Variants in CTNNA3 observed in about 807,000 individuals in gnomAD.
CTNNA3 encodes catenin alpha-3.
In CTNNA3, 76 loss-of-function variants were observed where a neutral mutation model predicts 95.7. That is an observed-to-expected ratio of 0.79 (90% confidence interval 0.66 to 0.96). CTNNA3 has a LOEUF of 0.96. Ranked by LOEUF, CTNNA3 falls within the 40% of genes least tolerant of loss-of-function variation. CTNNA3 has a pLI of 0.00. For synonymous variants in CTNNA3, 431 were observed against 374.4 expected, an observed-to-expected ratio of 1.15 and a Z score of -1.74; for missense variants, 1,191 against 1,089.8, an observed-to-expected ratio of 1.09 and a Z score of -1.31.
intron 11 of CTNNA3, among the ~76,000 whole-genome samples, chr10:66,516,236 TATG>T (rs1291002547): frequency 6.6e-6 from 1 of 151,980 alleles, no homozygotes; most frequent in Non-Finnish European, 1.5e-5. Context: ...GTTGAAAAAT[TATG>T]ATGTTACAAA....
intron 3 of CTNNA3, among the ~76,000 whole-genome samples, chr10:67,572,312 T>A (rs1842004920): frequency 6.6e-6 from 1 of 152,148 alleles, no homozygotes; most frequent in Non-Finnish European, 1.5e-5. Flanking sequence ...TGAGCTAAAG[T>A]ATAGCTCTAA....
intron 13 of CTNNA3, among the ~76,000 whole-genome samples, chr10:66,241,153 G>C (rs2090087093): frequency 1.6e-5 from 1 of 63,196 alleles, no homozygotes; most frequent in African/African-American, 5.0e-5. Context: ...TTCTTAAAAG[G>C]GTTAAAAAAA....
intron 10 of CTNNA3, among the ~76,000 whole-genome samples, chr10:66,539,381 G>A (rs1841769439): frequency 6.6e-6 from 1 of 152,058 alleles, no homozygotes; most frequent in Non-Finnish European, 1.5e-5. Flanking sequence ...GAGAGTAAAG[G>A]AAGAAGAAAT....
chr10:66,910,425 TCACTTCTGCTGGAA>T (rs890274370), intron 7 of CTNNA3, among the ~76,000 whole-genome samples: 86 of 152,178 alleles, frequency 5.7e-4, no homozygotes, highest in African/African-American at 2.0e-3. Context: ...CCCTTAACCA[TCACTTCTGCTGGAA>T]ACTTAGGGTG....
At chr10:66,507,203 C>A (rs751728679) in intron 11 of CTNNA3, among the ~76,000 whole-genome samples, 1 of 151,948 alleles carries the variant, frequency 6.6e-6, no homozygotes, top group Non-Finnish European at 1.5e-5. Context: ...GTTCATTTTT[C>A]TCTTTTTTTC....
intron 5 of CTNNA3, among the ~76,000 whole-genome samples, chr10:67,508,468 C>A (rs1169294954): frequency 6.6e-6 from 1 of 152,128 alleles, no homozygotes; most frequent in Non-Finnish European, 1.5e-5. Flanking sequence ...TACCAAAAAA[C>A]AAATTTATTT....
chr10:66,223,935 G>A (rs1372971000), intron 13 of CTNNA3, among the ~76,000 whole-genome samples: 1 of 152,086 alleles, frequency 6.6e-6, no homozygotes, highest in African/African-American at 2.4e-5. Flanking sequence ...AGTGGCTCAA[G>A]CCTGTAATCT....
At chr10:67,756,845 A>G (rs953584631) in intron 1 of CTNNA3, among the ~76,000 whole-genome samples, 1 of 152,228 alleles carries the variant, frequency 6.6e-6, no homozygotes, top group African/African-American at 2.4e-5. Flanking sequence ...TTTTACCTCA[A>G]TATAACAAAA....
chr10:67,317,714 G>A (rs570596250), intron 5 of CTNNA3, among the ~76,000 whole-genome samples: 9 of 152,140 alleles, frequency 5.9e-5, no homozygotes, highest in African/African-American at 2.2e-4. Flanking sequence ...CTGAGCCACC[G>A]CGCCTGGCCA....
At chr10:67,544,379 A>G (rs1202322933) in intron 3 of CTNNA3, among the ~76,000 whole-genome samples, 1 of 152,126 alleles carries the variant, frequency 6.6e-6, no homozygotes, top group Non-Finnish European at 1.5e-5. Context: ...GCCCTTTGAT[A>G]GCCCCAGCTT....
chr10:66,379,362 A>C lies in CTNNA3; in HGVS notation c.1532-10T>G. On this transcript the variant is annotated splice_polypyrimidine_tract_variant and intron_variant, in intron 11 of 17. Transcript: ENST00000433211. ...TCCAAGATATGGCTTTCTGTAAGTA[A>C]ATGAATCAAATTAGTTTTTGCGTGT... The C allele has an allele frequency of 6.2e-7, 1 of 1,609,078 alleles. No individual in the cohort carries two copies. Among genetic ancestry groups the C allele is most frequent in the Non-Finnish European group, 8.5e-7 (1 of 1,175,466 alleles).
At chr10:66,053,354 CTTTGT>C (rs996051729) in intron 15 of CTNNA3, among the ~76,000 whole-genome samples, 15 of 151,552 alleles carry the variant, frequency 9.9e-5, no homozygotes, top group African/African-American at 3.4e-4. Flanking sequence ...ATTTTTTAAA[CTTTGT>C]TTTGTTTATT....
At chr10:66,659,969 T>C (rs1846204255) in intron 9 of CTNNA3, among the ~76,000 whole-genome samples, 1 of 152,056 alleles carries the variant, frequency 6.6e-6, no homozygotes, top group Non-Finnish European at 1.5e-5. Context: ...ATTATGACAA[T>C]ATTGACAATA....
chr10:66,920,542 G>A (rs559479077), intron 7 of CTNNA3, among the ~76,000 whole-genome samples: 2 of 152,162 alleles, frequency 1.3e-5, no homozygotes, highest in Middle Eastern at 3.4e-3. Flanking sequence ...CTATTGTTTG[G>A]GGGCTAATTT....
At chr10:66,862,822 A>C (rs1478110889) in intron 7 of CTNNA3, among the ~76,000 whole-genome samples, 1 of 152,118 alleles carries the variant, frequency 6.6e-6, no homozygotes, top group Non-Finnish European at 1.5e-5. Flanking sequence ...TAATATTTGA[A>C]TTGGTAGATT....
intron 7 of CTNNA3, among the ~76,000 whole-genome samples, chr10:67,141,072 T>A (rs958127872): frequency 1.3e-5 from 2 of 152,194 alleles, no homozygotes; most frequent in African/African-American, 4.8e-5. Context: ...AAATAGGACA[T>A]CACCTCAATG....
chr10:67,701,775 A>C (rs1213551164), intron 1 of CTNNA3, among the ~76,000 whole-genome samples: 4 of 151,920 alleles, frequency 2.6e-5, no homozygotes, highest in African/African-American at 4.8e-5. Context: ...ACACATAACA[A>C]TATTAACTTT....
intron 9 of CTNNA3, among the ~76,000 whole-genome samples, chr10:66,628,536 GA>G (rs765353465): frequency 9.9e-5 from 15 of 152,108 alleles, no homozygotes; most frequent in Non-Finnish European, 1.9e-4. Flanking sequence ...AATAAACAGA[GA>G]AAAACTTTGA....
intron 9 of CTNNA3, among the ~76,000 whole-genome samples, chr10:66,658,739 G>T (rs575042392): frequency 1.3e-5 from 2 of 152,300 alleles, no homozygotes; most frequent in African/African-American, 2.4e-5. Flanking sequence ...TGTTGCCCAG[G>T]TTGGAGTGCA....
Sources: allele counts gnomAD v4.1 joint callset (sites outside exome capture counted in the v4.1 genomes callset), GRCh38; gene constraint gnomAD v4.1.1; transcripts MANE v1.5; gene names NCBI Gene and HGNC (gene_info 2026-07-23, HGNC 2026-07-21).